ARHGEF7: variants seen among roughly 807,000 people sequenced by gnomAD.
The protein encoded by ARHGEF7 is PAK-interacting exchange factor beta.
ARHGEF7 carries 33 observed loss-of-function variants against 109.8 expected under a neutral mutation model. That is an observed-to-expected ratio of 0.30 (90% CI 0.23 to 0.40). The LOEUF is 0.40. Among genes scored for constraint, ARHGEF7 ranks in the 10% least tolerant of loss-of-function variants. The pLI is 1.00. For missense variants in ARHGEF7, 938 were observed against 1,098.5 expected, an observed-to-expected ratio of 0.85 and a Z score of 2.07; for synonymous variants, 458 against 424.6, an observed-to-expected ratio of 1.08 and a Z score of -0.97.
At chr13:111,172,321 A>G (rs575820372) in intron 2 of ARHGEF7, among the ~76,000 whole-genome samples, 8 of 151,720 alleles carry the variant, frequency 5.3e-5, no homozygotes, top group Middle Eastern at 3.4e-3. Flanking sequence ...ATTCAGTTCT[A>G]TAAATGGAAG....
rs762570979 is a variant in ARHGEF7 at position 111,233,270 on chromosome 13, A to G, written c.736A>G (p.Ile246Val). Residue 246 changes from isoleucine (I) to valine (V), a missense_variant, in exon 6 of 22, where the codon ATA becomes GTA. Physicochemically the swap from Ile to Val is conservative, Grantham distance 29 (BLOSUM62 3). Coordinates refer to ENST00000646102, the MANE Select transcript of ARHGEF7 (RefSeq NM_001354046.2). ...SPPKGFDTTA[I>V]NKSYYNVVLQ... Reference sequence around the variant, plus strand: ...TCCCAAAGGATTTGATACGACTGCCATAAACAAAAGCTATTACAATGTGGT... The same window carrying G: ...TCCCAAAGGATTTGATACGACTGCCGTAAACAAAAGCTATTACAATGTGGT... 5.0e-6 allele frequency: 8 copies of G among 1,614,112 alleles called. No individual in the cohort carries two copies. The highest frequency in any genetic ancestry group is 2.2e-5 in the South Asian group (2 of 91,084).
At chr13:111,218,776 T>G (rs955208640) in intron 5 of ARHGEF7, among the ~76,000 whole-genome samples, 5 of 152,196 alleles carry the variant, frequency 3.3e-5, no homozygotes, top group African/African-American at 1.2e-4. Context: ...AGGTTTATAC[T>G]ATGTGTATGG....
At chr13:111,134,432 C>G (rs1481076549) in intron 1 of ARHGEF7, among the ~76,000 whole-genome samples, 1 of 152,226 alleles carries the variant, frequency 6.6e-6, no homozygotes, top group Non-Finnish European at 1.5e-5. Flanking sequence ...GTTCCTATTT[C>G]TCCACATCCT....
intron 1 of ARHGEF7, 165 bp from the exon 2 acceptor site, chr13:111,153,740 T>C: frequency 1.5e-6 from 2 of 1,338,732 alleles, no homozygotes; most frequent in Non-Finnish European, 1.9e-6. Context: ...AAGCAGCGGC[T>C]GAGCGGGTTG....
chr13:111,174,188 TAG>T (rs1163391657), intron 2 of ARHGEF7, among the ~76,000 whole-genome samples: 1 of 152,242 alleles, frequency 6.6e-6, no homozygotes, highest in Non-Finnish European at 1.5e-5. Context: ...TAATATTTTA[TAG>T]AGACTGCTGA....
intron 6 of ARHGEF7, 69 bp from the exon 7 acceptor site, chr13:111,243,803 A>G: frequency 9.9e-7 from 1 of 1,007,436 alleles, no homozygotes; most frequent in Non-Finnish European, 1.5e-6. Flanking sequence ...GAACTGTCCA[A>G]AGTGTATAAA....
chr13:111,170,407 A>G (rs1437605232), intron 2 of ARHGEF7, among the ~76,000 whole-genome samples: 1 of 152,228 alleles, frequency 6.6e-6, no homozygotes, highest in Non-Finnish European at 1.5e-5. Flanking sequence ...GCAGTTAGTC[A>G]ATCTTCTGAG....
intron 1 of ARHGEF7, among the ~76,000 whole-genome samples, chr13:111,149,802 A>G (rs554330101): frequency 1.3e-5 from 2 of 152,356 alleles, no homozygotes; most frequent in East Asian, 3.9e-4. Context: ...AATACTGTGA[A>G]CATGCTTTAT....
chr13:111,208,865 A>G (rs555215810), intron 3 of ARHGEF7, among the ~76,000 whole-genome samples: 137 of 152,274 alleles, frequency 9.0e-4, no homozygotes, highest in African/African-American at 3.2e-3. Context: ...ATGGAAGGGC[A>G]TGGGTGCTGG....
chr13:111,139,333 C>G (rs1215214340), intron 1 of ARHGEF7, among the ~76,000 whole-genome samples: 1 of 152,206 alleles, frequency 6.6e-6, no homozygotes, highest in East Asian at 1.9e-4. Flanking sequence ...CCTTGTCTCT[C>G]CCTCTGTGTC....
At position 111,274,810 on chromosome 13, in the gene ARHGEF7, GT is replaced by G. The variant is rs771678619; in HGVS notation, c.1272+24del. 7.0e-5 allele frequency: 98 copies of G among 1,399,708 alleles called. No homozygotes were observed. Among genetic ancestry groups the G allele is most frequent in the African/African-American group, 5.4e-4 (36 of 67,166 alleles). 86.7% of individuals were successfully genotyped at this position (1,399,708 alleles called of 1,614,324 possible). ...CTTTCAGTAAGTGATTAAGCATATTGTTTTCCCCCCCAGACATTATTGTGAC... is the reference window on the plus strand; with the variant it reads ...CTTTCAGTAAGTGATTAAGCATATTGTTTCCCCCCCAGACATTATTGTGAC... On this transcript the variant is annotated intron_variant, in intron 11 of 21. Coordinates refer to ENST00000646102, the MANE Select transcript of ARHGEF7 (RefSeq NM_001354046.2).
At position 111,131,344 on chromosome 13, in the gene ARHGEF7, G is replaced by T. The variant is rs866838465; in HGVS notation, c.165+15653G>T. ...GCACAACAGGATAGATGGGGCGGTC[G>T]CCTGTGCTGGAGCCCTGGGCGAGGC... On this transcript the variant is annotated intron_variant, in intron 1 of 21. Transcript: ENST00000646102. This position sits in a 1 kb window ranked among gnomAD's most constrained non-coding sequence, Gnocchi z 4.4. Among the ~76,000 whole-genome samples, 2 of 152,078 alleles carry T rather than the reference G, an allele frequency of 1.3e-5. No individual in the cohort carries two copies. Among genetic ancestry groups the T allele is most frequent in the African/African-American group, 4.8e-5 (2 of 41,404 alleles).
chr13:111,279,900 G>A (rs2092693398), intron 13 of ARHGEF7, among the ~76,000 whole-genome samples: 2 of 152,128 alleles, frequency 1.3e-5, no homozygotes, highest in South Asian at 2.1e-4. Context: ...AAAATACATG[G>A]TTCTTTTCTG....
At chr13:111,137,792 A>G (rs983072347) in intron 1 of ARHGEF7, among the ~76,000 whole-genome samples, 1 of 152,188 alleles carries the variant, frequency 6.6e-6, no homozygotes, top group Non-Finnish European at 1.5e-5. Context: ...ATGTTACTTA[A>G]ATTGAGGCAT....
intron 15 of ARHGEF7, among the ~76,000 whole-genome samples, chr13:111,281,446 T>C (rs2153608604): frequency 6.6e-6 from 1 of 152,328 alleles, no homozygotes; most frequent in East Asian, 1.9e-4. Context: ...TGCTCAGTTT[T>C]CATGTTTTCT....
At chr13:111,268,779 A>C (rs1306231466) in intron 9 of ARHGEF7, among the ~76,000 whole-genome samples, 1 of 152,176 alleles carries the variant, frequency 6.6e-6, no homozygotes, top group Non-Finnish European at 1.5e-5. Flanking sequence ...TCAAGCTAAA[A>C]CTGTCAGCAG....
chr13:111,267,520 T>C lies in ARHGEF7; in HGVS notation c.951-28T>C, dbSNP rs181048090. 1.6e-4 allele frequency: 254 copies of C among 1,612,812 alleles called. No individual in the cohort carries two copies. The African/African-American group carries it at 3.0e-3, about 19-fold the overall frequency. On this transcript the variant is annotated intron_variant, in intron 8 of 21. Coordinates refer to ENST00000646102, the MANE Select transcript of ARHGEF7 (RefSeq NM_001354046.2). ...TTGTCCTGTCTGTAAAACTGATGACTATTTCCCTTTGTGTCGCATTTCTCC... is the reference window on the plus strand; with the variant it reads ...TTGTCCTGTCTGTAAAACTGATGACCATTTCCCTTTGTGTCGCATTTCTCC...
At chr13:111,205,599 G>A (rs2081730234) in intron 3 of ARHGEF7, among the ~76,000 whole-genome samples, 2 of 152,110 alleles carry the variant, frequency 1.3e-5, no homozygotes, top group African/African-American at 4.8e-5. Flanking sequence ...CTTTCTGTGG[G>A]TGGAGAGATT....
At position 111,286,232 on chromosome 13, in the gene ARHGEF7, C is replaced by G. The variant is rs2093011517; in HGVS notation, c.2036C>G (p.Ser679Cys). The G allele has an allele frequency of 3.7e-6, 6 of 1,613,628 alleles. No individual in the cohort carries two copies. Among genetic ancestry groups the G allele is most frequent in the Non-Finnish European group, 5.1e-6 (6 of 1,179,854 alleles). ...AAGCCTTCAGATGAGGAGTTCGCGT[C>G]CCGGAAAAGTGAGTACCTGCGGTCC... is the stretch of plus-strand genomic sequence containing the variant. Reference protein sequence around the residue: ...ERKPSDEEFASRKSTAALEED... With the variant: ...ERKPSDEEFACRKSTAALEED... Residue 679 changes from serine (S) to cysteine (C), a missense_variant, in exon 17 of 22, where the codon TCC becomes TGC. Around this residue, in one of 4 missense-constraint regions of ARHGEF7, gnomAD observed 22 missense variants for 81.9 expected, o/e 0.27. Transcript: ENST00000646102.
Sources: allele counts gnomAD v4.1 joint callset (sites outside exome capture counted in the v4.1 genomes callset), GRCh38; gene constraint gnomAD v4.1.1; regional missense constraint gnomAD v4.1.1; non-coding constraint Gnocchi (gnomAD v3.1); transcripts MANE v1.5; gene names NCBI Gene and HGNC (gene_info 2026-07-23, HGNC 2026-07-21).